GRIK2: variants seen among roughly 807,000 people sequenced by gnomAD.
GRIK2 encodes glutamate receptor ionotropic, kainate 2.
Under a neutral mutation model 100.3 loss-of-function variants are expected in GRIK2, and 32 were observed. The ratio of observed to expected loss-of-function variants is 0.32; its 90% CI spans 0.24 to 0.43. The LOEUF (loss-of-function observed/expected upper bound fraction) is 0.43. Among genes scored for constraint, GRIK2 ranks in the 20% least tolerant of loss-of-function variants. The probability of loss-of-function intolerance (pLI) is 1.00; values close to 1 mark genes in which losing one functional copy is unlikely to be tolerated. For missense variants in GRIK2, 843 were observed against 1,114.9 expected, an observed-to-expected ratio of 0.76 and a Z score of 3.47; for synonymous variants, 417 against 389.4, an observed-to-expected ratio of 1.07 and a Z score of -0.83.
At chr6:101,535,457 G>A (rs551493483) in intron 2 of GRIK2, among the ~76,000 whole-genome samples, 12 of 151,820 alleles carry the variant, frequency 7.9e-5, no homozygotes, top group African/African-American at 1.2e-4. Flanking sequence ...TGTAAATAAA[G>A]TAGAGGCTAG....
At chr6:101,804,438 G>T (rs1266221772) in intron 9 of GRIK2, among the ~76,000 whole-genome samples, 1 of 151,970 alleles carries the variant, frequency 6.6e-6, no homozygotes, top group Non-Finnish European at 1.5e-5. Context: ...AATAATTTTA[G>T]TATGAGGCCA....
rs375812642 is a variant in GRIK2 at position 101,666,121 on chromosome 6, T to C, written c.542-10502T>C. ...CAAAGATTACTCTCAAGTTTGATAA[T>C]TTGCTAGAATGAGTCACAGAGTGGA... On this transcript the variant is annotated intron_variant, in intron 4 of 16. Transcript: ENST00000369134. 7.9e-5 allele frequency among the ~76,000 whole-genome samples: 12 copies of C among 152,282 alleles called. No individual in the cohort carries two copies. In the South Asian group the frequency reaches 2.5e-3, roughly 32 times the overall value.
intron 2 of GRIK2, among the ~76,000 whole-genome samples, chr6:101,479,635 A>G (rs528870179): frequency 1.2e-4 from 19 of 152,248 alleles, no homozygotes; most frequent in Admixed American, 2.0e-4. Flanking sequence ...TTTCTTGCTT[A>G]CTGGAACAAT....
intron 6 of GRIK2, among the ~76,000 whole-genome samples, chr6:101,683,065 T>C (rs1281598517): frequency 6.6e-6 from 1 of 151,930 alleles, no homozygotes; most frequent in African/African-American, 2.4e-5. Flanking sequence ...TAGCCGGGCA[T>C]GGTGGTGGGT....
chr6:101,773,728 T>C (rs1452935171), intron 7 of GRIK2, among the ~76,000 whole-genome samples: 1 of 152,196 alleles, frequency 6.6e-6, no homozygotes, highest in African/African-American at 2.4e-5. Flanking sequence ...TATCTAACTT[T>C]ATTCTTACAA....
At chr6:101,595,708 G>GTATATA (rs1334674645) in intron 2 of GRIK2, among the ~76,000 whole-genome samples, 2 of 125,580 alleles carry the variant, frequency 1.6e-5, no homozygotes, top group African/African-American at 6.3e-5. Flanking sequence ...ATGTGTGTGT[G>GTATATA]TGTGTGTGTG....
At chr6:101,499,907 A>G (rs986924269) in intron 2 of GRIK2, among the ~76,000 whole-genome samples, 1 of 152,126 alleles carries the variant, frequency 6.6e-6, no homozygotes, top group Admixed American at 6.6e-5. Context: ...GATAGGGCAA[A>G]AGTGAACTGA....
chr6:101,909,563 C>T (rs1788512096), intron 12 of GRIK2, among the ~76,000 whole-genome samples: 1 of 150,352 alleles, frequency 6.7e-6, no homozygotes, highest in Non-Finnish European at 1.5e-5. Flanking sequence ...GACTTCTTGG[C>T]CTTCTTTCGT....
intron 14 of GRIK2, among the ~76,000 whole-genome samples, chr6:102,035,099 T>A (rs894493210): frequency 6.6e-6 from 1 of 151,032 alleles, no homozygotes; most frequent in Non-Finnish European, 1.5e-5. Flanking sequence ...TGAAGATTTT[T>A]AAAAATATAT....
intron 16 of GRIK2, among the ~76,000 whole-genome samples, chr6:102,061,683 T>C (rs1771760426): frequency 6.6e-6 from 1 of 150,460 alleles, no homozygotes; most frequent in African/African-American, 2.4e-5. Flanking sequence ...AATAAATAAA[T>C]AAATGAAACA....
At chr6:102,024,246 G>A (rs1177757083) in intron 14 of GRIK2, among the ~76,000 whole-genome samples, 1 of 150,854 alleles carries the variant, frequency 6.6e-6, no homozygotes, top group African/African-American at 2.4e-5. Context: ...AGAAACAGAG[G>A]TAGGCTGGAA....
intron 4 of GRIK2, among the ~76,000 whole-genome samples, chr6:101,662,980 A>G (rs1247701039): frequency 6.6e-6 from 1 of 152,104 alleles, no homozygotes; most frequent in African/African-American, 2.4e-5. Flanking sequence ...ACTACTAAAG[A>G]CTTTGGGGTT....
chr6:101,525,108 C>T (rs1041748360), intron 2 of GRIK2, among the ~76,000 whole-genome samples: 1 of 152,042 alleles, frequency 6.6e-6, no homozygotes, highest in Admixed American at 6.6e-5. Flanking sequence ...CTATATGATA[C>T]CAAATTATTG....
chr6:101,410,071 T>C (rs1402923235), intron 2 of GRIK2, among the ~76,000 whole-genome samples: 7 of 152,086 alleles, frequency 4.6e-5, no homozygotes, highest in African/African-American at 1.7e-4. Context: ...ATGACTTTAA[T>C]TGGTGTTCTC....
chr6:101,871,971 A>G (rs1785451382), intron 11 of GRIK2, among the ~76,000 whole-genome samples: 1 of 151,966 alleles, frequency 6.6e-6, no homozygotes. Flanking sequence ...CAGCAGCTGG[A>G]CTAACTGACA....
chr6:101,695,216 C>T (rs756020924), intron 7 of GRIK2, among the ~76,000 whole-genome samples: 55 of 152,088 alleles, frequency 3.6e-4, no homozygotes, highest in African/African-American at 8.2e-4. Context: ...GCTTCCAAGA[C>T]GGCACCCTCT....
chr6:101,741,087 C>T (rs1248410876), intron 7 of GRIK2, among the ~76,000 whole-genome samples: 1 of 152,128 alleles, frequency 6.6e-6, no homozygotes, highest in African/African-American at 2.4e-5. Flanking sequence ...TTGAGGAGGA[C>T]AAGGTCAGGG....
At chr6:101,498,346 A>C (rs1026001359) in intron 2 of GRIK2, among the ~76,000 whole-genome samples, 3 of 152,054 alleles carry the variant, frequency 2.0e-5, no homozygotes, top group African/African-American at 4.8e-5. Flanking sequence ...ATGTGTCTTT[A>C]TAGCAGCATG....
intron 7 of GRIK2, among the ~76,000 whole-genome samples, chr6:101,770,593 A>T (rs915041832): frequency 6.6e-6 from 1 of 152,216 alleles, no homozygotes; most frequent in South Asian, 2.1e-4. Context: ...TTAATTGGTC[A>T]TTTCCAATTT....
Sources: allele counts gnomAD v4.1 joint callset (sites outside exome capture counted in the v4.1 genomes callset), GRCh38; gene constraint gnomAD v4.1.1; transcripts MANE v1.5; gene names NCBI Gene and HGNC (gene_info 2026-07-23, HGNC 2026-07-21).